The following NIBAN3 variants were observed in gnomAD, a reference collection of about 807,000 sequenced individuals.
NIBAN3 encodes the protein niban apoptosis regulator 3, also known as protein Niban 3.
A neutral mutation model predicts 76.4 loss-of-function variants in NIBAN3; 66 were observed. The ratio of observed to expected loss-of-function variants is 0.86; its 90% confidence interval spans 0.71 to 1.06. The LOEUF is 1.06. Among genes scored for constraint, NIBAN3 ranks in the 50% least tolerant of loss-of-function variants. NIBAN3 has a pLI of 0.00. For missense variants in NIBAN3, 808 were observed against 810.7 expected (o/e 1.00, Z 0.04); for synonymous variants, 360 against 355.2 (o/e 1.01, Z -0.15).
In NIBAN3 at chr19:17,532,236, G is replaced by C. The variant is rs747585319; in HGVS notation, c.187-27G>C. 4 of 1,590,064 alleles carry C rather than the reference G, an allele frequency of 2.5e-6. No individual in the cohort carries two copies. The South Asian group carries it at 3.5e-5, about 14-fold the overall frequency. Reference sequence around the variant, plus strand: ...CAGGGACATCAGCCCACAGCCCCCTGACACCCACTGCTCCCTCTTTCTGCA... The same window carrying C: ...CAGGGACATCAGCCCACAGCCCCCTCACACCCACTGCTCCCTCTTTCTGCA... On this transcript the variant is annotated intron_variant, in intron 2 of 14. Transcript: ENST00000599164.
At chr19:17,543,488 A>G (rs757315091) in intron 11 of NIBAN3, 36 bp from the exon 12 acceptor site, 2 of 1,612,714 alleles carry the variant, frequency 1.2e-6, no homozygotes, top group South Asian at 2.2e-5. Flanking sequence ...GGGTGCTCAG[A>G]TGGTTGCTGG....
chr19:17,543,279 C>T (rs1414330485), intron 10 of NIBAN3, 38 bp from the exon 11 acceptor site: 2 of 1,400,732 alleles, frequency 1.4e-6, no homozygotes, highest in African/African-American at 1.4e-5. Context: ...GAGGCTGGAG[C>T]ACAGATTCTG....
rs894451143 is a variant in NIBAN3, at chr19:17,539,818, A to G, written c.979+53A>G. 3 of 1,375,944 alleles carry G rather than the reference A, an allele frequency of 2.2e-6. No individual in the cohort carries two copies. In the Admixed American group the frequency reaches 6.8e-5, roughly 31 times the overall value. The allele number at this position is 1,375,944 out of a possible 1,614,324, so 85.2% of individuals were successfully genotyped here. On this transcript the variant is annotated intron_variant, in intron 8 of 14. Transcript: ENST00000599164. ...GGGAGGGGCGAGGCGATGCTGGGGA[A>G]AAAGGGGCGTGACCTAAGCGAAGAA...
At chr19:17,547,922 C>T (rs1197489449) in intron 13 of NIBAN3, among the ~76,000 whole-genome samples, 2 of 152,206 alleles carry the variant, frequency 1.3e-5, no homozygotes, top group African/African-American at 4.8e-5. Context: ...GACTTGGCCT[C>T]CCAAAGTGCT....
intron 12 of NIBAN3, 49 bp from the exon 13 acceptor site, chr19:17,546,637 T>C: frequency 6.8e-7 from 1 of 1,475,644 alleles, no homozygotes; most frequent in Non-Finnish European, 9.0e-7. Context: ...TGTAGGCCTC[T>C]AGAGGGGCCC....
intron 12 of NIBAN3, chr19:17,544,155 G>A (rs11665697): frequency 0.36 from 55,570 of 152,490 alleles, 11,503 homozygotes; most frequent in Middle Eastern, 0.51. Context: ...TTAGCCAGGC[G>A]TGACAGCATG....
At chr19:17,543,241 G>T in intron 10 of NIBAN3, 76 bp from the exon 11 acceptor site, 1 of 916,830 alleles carries the variant, frequency 1.1e-6, no homozygotes, top group Non-Finnish European at 1.7e-6. Context: ...TGCTGAGAAG[G>T]GGTCAGCTGG....
At chr19:17,539,042 G>A (rs2075882838) in intron 5 of NIBAN3, 108 bp from the exon 6 acceptor site, 1 of 887,594 alleles carries the variant, frequency 1.1e-6, no homozygotes, top group East Asian at 2.7e-5. Context: ...CCAGAGATGG[G>A]TGAGACTTGG....
At chr19:17,544,404 T>C (rs569444051) in intron 12 of NIBAN3, among the ~76,000 whole-genome samples, 1 of 152,302 alleles carries the variant, frequency 6.6e-6, no homozygotes, top group South Asian at 2.1e-4. Context: ...ACCCTGTGTC[T>C]GCCACAGAAG....
chr19:17,530,671 G>T, intron 1 of NIBAN3, 84 bp from the exon 2 acceptor site: 6 of 1,389,884 alleles, frequency 4.3e-6, no homozygotes, highest in Non-Finnish European at 4.8e-6. Flanking sequence ...CCCCCAGGTG[G>T]CTTCCCTGTC....
intron 13 of NIBAN3, among the ~76,000 whole-genome samples, chr19:17,548,781 C>T (rs2144779451): frequency 6.6e-6 from 1 of 152,206 alleles, no homozygotes; most frequent in African/African-American, 2.4e-5. Context: ...CAAAAATTAG[C>T]TGGGCATGGT....
chr19:17,540,675 G>A (rs1035745218), intron 9 of NIBAN3, 93 bp downstream of exon 9: 3 of 1,044,672 alleles, frequency 2.9e-6, no homozygotes, highest in Non-Finnish European at 3.9e-6. Context: ...TTTGTTCTAG[G>A]CTGCTTTTTA....
At position 17,533,564 on chromosome 19, in the gene NIBAN3, G is replaced by T. The variant is rs551210423; in HGVS notation, c.313-23G>T. On this transcript the variant is annotated intron_variant, in intron 3 of 14. Coordinates refer to ENST00000599164, the MANE Select transcript of NIBAN3 (RefSeq NM_001321827.2). ...CCACAGTTCAGACCTGTCCCAGGTT[G>T]GTTCTCTGGGTACCTTTTGTAGGAA... The T allele has an allele frequency of 9.0e-5, 138 of 1,529,020 alleles. No homozygotes were observed. The South Asian group carries it at 1.1e-3, about 13-fold the overall frequency. 94.7% of individuals were successfully genotyped at this position (1,529,020 alleles called of 1,614,324 possible). A position where few individuals can be genotyped will look rare whatever the true frequency, so the allele number is the denominator to read the frequency against.
chr19:17,544,982 G>C (rs989306639), intron 12 of NIBAN3, among the ~76,000 whole-genome samples: 60 of 152,012 alleles, frequency 3.9e-4, no homozygotes, highest in African/African-American at 1.3e-3. Flanking sequence ...CTTTGGGATA[G>C]TGAGACCCCA....
intron 5 of NIBAN3, among the ~76,000 whole-genome samples, chr19:17,538,454 G>A (rs1368902311): frequency 6.7e-6 from 1 of 150,294 alleles, no homozygotes; most frequent in Admixed American, 6.7e-5. Flanking sequence ...CCAGCCAGAT[G>A]AAGAAGGGGA....
Position 17,540,442 on chromosome 19 carries a change from C to T in NIBAN3, c.1030C>T (p.Gln344Ter). ...ESCLRREVDP[Q>*]LPRVVQTLLR... ...GTGCCTGCGCCGGGAGGTGGACCCG[C>T]AGCTGCCCCGGGTCGTGCAGACCCT... The change falls in exon 9 of 15, where the codon CAG (glutamine) becomes TAG (stop). Residue 344 changes from glutamine to a stop codon, truncating the protein, a stop_gained. Transcript: ENST00000599164. LOFTEE classifies it high-confidence loss of function. The T allele has an allele frequency of 1.3e-6, 2 of 1,552,864 alleles. No individual in the cohort carries two copies. The highest frequency in any genetic ancestry group is 1.4e-5 in the African/African-American group (1 of 71,616).
chr19:17,523,698 A>T (rs1419155931), upstream of NIBAN3, among the ~76,000 whole-genome samples: 1 of 152,024 alleles, frequency 6.6e-6, no homozygotes, highest in Non-Finnish European at 1.5e-5. Flanking sequence ...CCTTCCCACA[A>T]GGCTCCACGT....
intron 12 of NIBAN3, among the ~76,000 whole-genome samples, chr19:17,544,703 G>A (rs36095030): frequency 6.6e-6 from 1 of 152,100 alleles, no homozygotes; most frequent in Non-Finnish European, 1.5e-5. Flanking sequence ...GGAGGTCAGC[G>A]GGAGTCCTAG....
intron 4 of NIBAN3, among the ~76,000 whole-genome samples, chr19:17,536,528 T>C (rs79480216): frequency 0.055 from 8,442 of 152,212 alleles, 327 homozygotes; most frequent in Non-Finnish European, 0.081. Context: ...TTTATCATCC[T>C]GGAAAGTGGA....
Sources: allele counts gnomAD v4.1 joint callset (sites outside exome capture counted in the v4.1 genomes callset), GRCh38; gene constraint gnomAD v4.1.1; transcripts MANE v1.5; gene names NCBI Gene and HGNC (gene_info 2026-07-23, HGNC 2026-07-21).